CHD5: variants seen among roughly 807,000 people sequenced by gnomAD.
CHD5 encodes ATP-dependent chromatin remodeler CHD5.
In CHD5, 69 loss-of-function variants were observed where a neutral mutation model predicts 230.3. The observed-to-expected ratio is 0.30, with a 90% CI of 0.25 to 0.37. The LOEUF (loss-of-function observed/expected upper bound fraction) is 0.37. Among genes scored for constraint, CHD5 ranks in the 10% least tolerant of loss-of-function variants. The probability of loss-of-function intolerance (pLI) is 1.00; values close to 1 mark genes in which losing one functional copy is unlikely to be tolerated. For missense variants in CHD5, 1,827 were observed against 2,622.8 expected (o/e 0.70, Z 6.63); for synonymous variants, 1,064 against 1,065.9 (o/e 1.00, Z 0.03).
At chr1:6,113,423 C>CAAA in intron 33 of CHD5, 1 of 311,742 alleles carries the variant, frequency 3.2e-6, no homozygotes, top group Non-Finnish European at 6.5e-6. Flanking sequence ...GACGCTGTTT[C>CAAA]AAAAAAAAAC....
chr1:6,149,332 C>T lies in CHD5; in HGVS notation c.1075G>A (p.Asp359Asn), dbSNP rs1435656050. The T allele has an allele frequency of 2.5e-6, 4 of 1,613,174 alleles. No homozygotes were observed. Among genetic ancestry groups the T allele is most frequent in the Middle Eastern group, 1.7e-4 (1 of 6,060 alleles). Residue 359 changes from aspartate to asparagine, a missense_variant, in exon 8 of 42, where the codon GAC (aspartate) becomes AAC (asparagine). Asp to Asn is a conservative substitution (Grantham distance 23). Around this residue, in one of 14 missense-constraint regions of CHD5, gnomAD observed 657 missense variants for 816.4 expected, o/e 0.80. Transcript: ENST00000262450. ...AGATGGTAGGCCCTCGGGCAGGTGT[C>T]GCACAGGATGATCTCCCCACCCTGC... ...CQQGGEIILCDTCPRAYHLVC... is the reference protein window; with the variant it reads ...CQQGGEIILCNTCPRAYHLVC...
Position 6,125,338 on chromosome 1 carries a change from G to T in CHD5, c.4261-105C>A. ...GCATGGGAGGAGGAGAAGGTAGGAA[G>T]GGGGCACAGAGAAGGCAGGGGCCTC... On this transcript the variant is annotated intron_variant, in intron 28 of 41. Coordinates refer to ENST00000262450, the MANE Select transcript of CHD5 (RefSeq NM_015557.3). This position sits in a 1 kb window ranked among gnomAD's most constrained non-coding sequence, Gnocchi z 6.7. 1 of 1,283,528 alleles carries T rather than the reference G, an allele frequency of 7.8e-7. No individual in the cohort carries two copies. The highest frequency in any genetic ancestry group is 1.1e-6 in the Non-Finnish European group (1 of 936,594). The allele number at this position is 1,283,528 out of a possible 1,614,324, so 79.5% of individuals were successfully genotyped here. A position where few individuals can be genotyped will look rare whatever the true frequency, so the allele number is the denominator to read the frequency against.
rs1328567532 is a variant in CHD5, at chr1:6,121,641, G to A, written c.4700-68C>T. On this transcript the variant is annotated intron_variant, in intron 31 of 41. Coordinates refer to ENST00000262450, the MANE Select transcript of CHD5 (RefSeq NM_015557.3). This position sits in a 1 kb window ranked among gnomAD's most constrained non-coding sequence, Gnocchi z 4.5. ...GGGAAGGAGTAGGGCAGGGAGTGGGGTGGCAGAGAGGAGAGATGGGGGCTT... is the reference window on the plus strand; with the variant it reads ...GGGAAGGAGTAGGGCAGGGAGTGGGATGGCAGAGAGGAGAGATGGGGGCTT... 1.7e-6 allele frequency: 2 copies of A among 1,179,800 alleles called. No homozygotes were observed. Among genetic ancestry groups the A allele is most frequent in the East Asian group, 2.4e-5 (1 of 41,362 alleles). 73.1% of individuals were successfully genotyped at this position (1,179,800 alleles called of 1,614,324 possible). A position where few individuals can be genotyped will look rare whatever the true frequency, so the allele number is the denominator to read the frequency against.
In CHD5 at chr1:6,160,715, G is replaced by A. The variant is rs183386465; in HGVS notation, c.208-1200C>T. Among the ~76,000 whole-genome samples the A allele has an allele frequency of 3.3e-5, 5 of 152,372 alleles. No homozygotes were observed. In the East Asian group the frequency reaches 5.8e-4, roughly 18 times the overall value. On this transcript the variant is annotated intron_variant, in intron 2 of 41. Transcript: ENST00000262450. ...CCCCCTCTCCCACCCCATCCTGGCC[G>A]CTTCCTCTCCATATGAGACAAGGTA... is the stretch of plus-strand genomic sequence containing the variant.
intron 3 of CHD5, among the ~76,000 whole-genome samples, chr1:6,156,851 G>A (rs1316420580): frequency 1.3e-5 from 2 of 152,234 alleles, no homozygotes; most frequent in South Asian, 2.1e-4. Context: ...CAGGTGACCA[G>A]ATGACCAGGC....
chr1:6,111,943 G>C (rs1205531178), intron 35 of CHD5, 60 bp from the exon 36 acceptor site: 36 of 1,502,430 alleles, frequency 2.4e-5, no homozygotes, highest in Non-Finnish European at 3.2e-5. Flanking sequence ...GCACAGGCAG[G>C]CTTGGAGAGC....
intron 18 of CHD5, 107 bp downstream of exon 18, chr1:6,135,123 A>T: frequency 7.7e-7 from 1 of 1,298,516 alleles, no homozygotes. Flanking sequence ...ATTAGCCGAG[A>T]CCTCAGTGAG....
rs759193285 is a variant in CHD5 at position 6,112,249 on chromosome 1, G to T, written c.5031C>A (p.Pro1677=). The change falls in exon 35 of 42, where the codon CCC becomes CCA. Residue 1677 remains proline (P), a synonymous_variant. Transcript: ENST00000262450. ...PDDTKAEEKE[P]IETQQNGDKE... ...TGTCACCATTTTGCTGTGTTTCAAT[G>T]GGCTCCTTCTCCTCAGCCTTGGTGT... The T allele has an allele frequency of 1.8e-5, 29 of 1,614,096 alleles. 1 individual carries two copies. The highest frequency in any genetic ancestry group is 2.5e-5 in the Non-Finnish European group (29 of 1,180,010).
chr1:6,162,661 A>C (rs1477450733), intron 2 of CHD5, among the ~76,000 whole-genome samples: 1 of 152,206 alleles, frequency 6.6e-6, no homozygotes, highest in Non-Finnish European at 1.5e-5. Flanking sequence ...TAATGCCCAG[A>C]AAATGCCCAA....
At chr1:6,122,939 G>A (rs942714321) in intron 31 of CHD5, among the ~76,000 whole-genome samples, 2 of 152,020 alleles carry the variant, frequency 1.3e-5, no homozygotes, top group Admixed American at 6.6e-5. Context: ...GTGTGGTGGC[G>A]GGCACCTGTA....
Position 6,142,435 on chromosome 1 carries a change from G to A in CHD5, c.2214C>T (p.Phe738=), listed in dbSNP as rs750468047. The change falls in exon 14 of 42, where the codon TTC becomes TTT. Residue 738 remains phenylalanine (F), a synonymous_variant. Coordinates refer to ENST00000262450, the MANE Select transcript of CHD5 (RefSeq NM_015557.3). This position sits in a 1 kb window ranked among gnomAD's most constrained non-coding sequence, Gnocchi z 5.2. Reference sequence around the variant, plus strand: ...CCACCTCCTTGTAGAGGGAGTAAAGGAACACGATGGTCTGCACCGTCTTGC... The same window carrying A: ...CCACCTCCTTGTAGAGGGAGTAAAGAAACACGATGGTCTGCACCGTCTTGC... ...GLGKTVQTIV[F]LYSLYKEGHS... 1.2e-6 allele frequency: 2 copies of A among 1,611,172 alleles called. No individual in the cohort carries two copies. Among genetic ancestry groups the A allele is most frequent in the South Asian group, 2.2e-5 (2 of 90,966 alleles).
In CHD5 at chr1:6,101,894, T is replaced by C. The variant is rs974237415; in HGVS notation, c.*3580A>G. ...GCTACAGCCTCTGTCCAGCCTCCCG[T>C]GGGCGAAGACCAGACAAGCCACGGC... On this transcript the variant is annotated 3_prime_UTR_variant, in exon 42 of 42. Coordinates refer to ENST00000262450, the MANE Select transcript of CHD5 (RefSeq NM_015557.3). The C allele has an allele frequency of 3.2e-6, 1 of 314,014 alleles. No individual in the cohort carries two copies. The highest frequency in any genetic ancestry group is 2.3e-5 in the African/African-American group (1 of 42,954). 19.5% of individuals were successfully genotyped at this position (314,014 alleles called of 1,614,324 possible). A position where few individuals can be genotyped will look rare whatever the true frequency, so the allele number is the denominator to read the frequency against.
At position 6,135,318 on chromosome 1, in the gene CHD5, T is replaced by G. The variant is rs759685621; in HGVS notation, c.2782A>C (p.Met928Leu). 7.4e-6 allele frequency: 12 copies of G among 1,614,032 alleles called. No homozygotes were observed. The highest frequency in any genetic ancestry group is 1.0e-5 in the Non-Finnish European group (12 of 1,180,036). The change falls in exon 18 of 42, where the codon ATG becomes CTG. Residue 928 changes from methionine to leucine, a missense_variant. Physicochemically the swap from Met to Leu is conservative, Grantham distance 15. Around this residue, in one of 14 missense-constraint regions of CHD5, gnomAD observed 52 missense variants for 164.5 expected, o/e 0.32. Coordinates refer to ENST00000262450, the MANE Select transcript of CHD5 (RefSeq NM_015557.3). Reference protein sequence around the residue: ...KKLHDLLGPHMLRRLKADVFK... With the variant: ...KKLHDLLGPHLLRRLKADVFK... ...ACGTCAGCCTTGAGCCGCCTGAGCA[T>G]GTGCGGCCCCAGCAGGTCATGCAGC...
At chr1:6,179,276 A>C (rs1667473621) in intron 1 of CHD5, among the ~76,000 whole-genome samples, 1 of 152,180 alleles carries the variant, frequency 6.6e-6, no homozygotes, top group African/African-American at 2.4e-5. Context: ...GGCGGGCGCT[A>C]GGTCGCGCCA....
At chr1:6,152,272 G>A (rs1000732140) in intron 6 of CHD5, 140 bp downstream of exon 6, 4 of 879,960 alleles carry the variant, frequency 4.5e-6, no homozygotes, top group Non-Finnish European at 7.0e-6. Flanking sequence ...CATGTAGGAT[G>A]GAAGGAGAAT....
rs752837652 is a variant in CHD5, at chr1:6,154,915, A to AGGAG, written c.507-21_507-18dup. On this transcript the variant is annotated splice_polypyrimidine_tract_variant and intron_variant, in intron 4 of 41. Coordinates refer to ENST00000262450, the MANE Select transcript of CHD5 (RefSeq NM_015557.3). The surrounding 1 kb of genome is among the most constrained non-coding windows in gnomAD (Gnocchi z 7.0). The stretch of plus-strand genomic sequence containing the variant: ...ATGAGTGGCCTGTAGGGGGAGAGGC[A>AGGAG]GGAGGGTGAGGGCAAGGCCAGGTGA... 5 of 1,608,626 alleles carry AGGAG rather than the reference A, an allele frequency of 3.1e-6. No individual in the cohort carries two copies. The South Asian group carries it at 4.4e-5, about 14-fold the overall frequency.
At chr1:6,148,279 T>C (rs905233825) in intron 9 of CHD5, among the ~76,000 whole-genome samples, 4 of 151,408 alleles carry the variant, frequency 2.6e-5, no homozygotes, top group Non-Finnish European at 5.9e-5. Context: ...GGATGGGGGG[T>C]GCCCCTCTTC....
chr1:6,143,270 C>T (rs373289023), intron 13 of CHD5, among the ~76,000 whole-genome samples: 2 of 152,196 alleles, frequency 1.3e-5, no homozygotes, highest in African/African-American at 4.8e-5. Flanking sequence ...TGGGTTCAAG[C>T]GGTCCTCCCA....
chr1:6,137,622 C>T (rs775178934), intron 15 of CHD5, among the ~76,000 whole-genome samples: 9 of 152,212 alleles, frequency 5.9e-5, no homozygotes, highest in African/African-American at 1.2e-4. Context: ...CGTGAGCTAC[C>T]GCACCTGGCC....
Sources: gnomAD v4.1 joint callset for allele counts (sites outside exome capture counted in the v4.1 genomes callset) on GRCh38, gnomAD v4.1.1 for gene constraint, gnomAD v4.1.1 regional missense constraint, Gnocchi (gnomAD v3.1) non-coding constraint, MANE v1.5 for transcripts, NCBI Gene and HGNC (gene_info 2026-07-23, HGNC 2026-07-21) for gene names.